ANKFN1: variants seen among roughly 807,000 people sequenced by gnomAD.
ANKFN1 encodes ankyrin repeat and fibronectin type III domain containing 1.
ANKFN1 carries 74 observed loss-of-function variants against 108.7 expected under a neutral mutation model. That is an observed-to-expected ratio of 0.68 (90% confidence interval 0.56 to 0.83). The LOEUF is 0.83. ANKFN1 is among the 40% of genes least tolerant of loss of function. ANKFN1 has a pLI of 0.00. For missense variants in ANKFN1, 1,505 were observed against 1,382.3 expected (o/e 1.09, Z -1.41); for synonymous variants, 547 against 516.2 (o/e 1.06, Z -0.81).
Position 56,466,440 on chromosome 17 carries a change from A to G in ANKFN1, c.1642A>G (p.Arg548Gly). The G allele has an allele frequency of 6.2e-7, 1 of 1,614,206 alleles. No homozygotes were observed. The highest frequency in any genetic ancestry group is 1.1e-5 in the South Asian group (1 of 91,084). ...RHGNILIVTI[R>G]EVEMLYSFFN... ...TGGAAACATACTCATAGTCACCATCAGGGAGGTGGAGATGCTTTATTCATT... is the reference window on the plus strand; with the variant it reads ...TGGAAACATACTCATAGTCACCATCGGGGAGGTGGAGATGCTTTATTCATT... The change falls in exon 15 of 21, where the codon AGG becomes GGG. Residue 548 changes from arginine to glycine, a missense_variant. Coordinates refer to ENST00000682825, the MANE Select transcript of ANKFN1 (RefSeq NM_001370326.1).
chr17:56,367,472 A>G (rs2144745940), intron 6 of ANKFN1, among the ~76,000 whole-genome samples: 1 of 151,922 alleles, frequency 6.6e-6, no homozygotes, highest in African/African-American at 2.4e-5. Context: ...TTGGTTAATT[A>G]GCTGCATAGG....
chr17:56,289,847 G>A (rs549929325), intron 3 of ANKFN1, among the ~76,000 whole-genome samples: 2 of 152,292 alleles, frequency 1.3e-5, no homozygotes, highest in East Asian at 3.9e-4. Flanking sequence ...TTCTGCCATA[G>A]TGCTGCCTTA....
chr17:56,485,123 A>T (rs774927150), intron 18 of ANKFN1, among the ~76,000 whole-genome samples: 1 of 152,222 alleles, frequency 6.6e-6, no homozygotes, highest in African/African-American at 2.4e-5. Flanking sequence ...GTAACCTACT[A>T]TGTGCCAGGC....
At chr17:56,495,393 T>C (rs946098136) in intron 19 of ANKFN1, among the ~76,000 whole-genome samples, 2 of 151,840 alleles carry the variant, frequency 1.3e-5, no homozygotes, top group East Asian at 1.9e-4. Flanking sequence ...CACTCACCCA[T>C]TGGTGTTCAC....
In ANKFN1 at chr17:56,510,827, G is replaced by T; in HGVS notation, c.2999G>T (p.Arg1000Leu). Reference protein sequence around the residue: ...GRPPLGFLGKRKPGKHPHYGG... With the variant: ...GRPPLGFLGKLKPGKHPHYGG... ...CCCCCGCTAGGCTTCCTGGGAAAGC[G>T]GAAGCCAGGCAAGCACCCCCACTAT... is the stretch of plus-strand genomic sequence containing the variant. The change falls in exon 21 of 21, where the codon CGG becomes CTG. Residue 1000 changes from arginine to leucine, a missense_variant. Transcript: ENST00000682825. 1 of 1,536,178 alleles carries T rather than the reference G, an allele frequency of 6.5e-7. No homozygotes were observed. Among genetic ancestry groups the T allele is most frequent in the South Asian group, 1.2e-5 (1 of 84,064 alleles).
intron 5 of ANKFN1, among the ~76,000 whole-genome samples, chr17:56,353,240 C>CT (rs61278649): frequency 0.018 from 2,542 of 143,194 alleles, 47 homozygotes; most frequent in African/African-American, 0.047. Context: ...CTCTTAATTA[C>CT]TTTTTTTTTT....
At chr17:56,506,177 A>T (rs547161856) in intron 20 of ANKFN1, among the ~76,000 whole-genome samples, 1 of 151,072 alleles carries the variant, frequency 6.6e-6, no homozygotes, top group African/African-American at 2.5e-5. Flanking sequence ...CTCGTCATTT[A>T]TATTAGTTAT....
At chr17:56,241,454 G>T (rs1274619101) in intron 3 of ANKFN1, among the ~76,000 whole-genome samples, 8 of 152,072 alleles carry the variant, frequency 5.3e-5, no homozygotes, top group African/African-American at 1.9e-4. Context: ...TCATGAACTT[G>T]CTTTCCATAT....
At chr17:56,438,652 C>G (rs770287577) in intron 8 of ANKFN1, among the ~76,000 whole-genome samples, 25 of 152,054 alleles carry the variant, frequency 1.6e-4, no homozygotes, top group Non-Finnish European at 2.8e-4. Flanking sequence ...CTTGAACCCC[C>G]GGGCTTAAGC....
intron 4 of ANKFN1, among the ~76,000 whole-genome samples, chr17:56,329,382 T>C (rs1371517848): frequency 6.6e-6 from 1 of 152,164 alleles, no homozygotes; most frequent in East Asian, 1.9e-4. Flanking sequence ...CCTTTTCCCC[T>C]TCCTGCTAGT....
Position 56,510,657 on chromosome 17 carries a change from C to T in ANKFN1, c.2829C>T (p.His943=), listed in dbSNP as rs982691975. 7.8e-6 allele frequency: 12 copies of T among 1,536,152 alleles called. No homozygotes were observed. Among genetic ancestry groups the T allele is most frequent in the South Asian group, 2.4e-5 (2 of 84,066 alleles). Residue 943 remains histidine (H), a synonymous_variant, in exon 21 of 21, where the codon CAC becomes CAT. Transcript: ENST00000682825. ...GCGCCCCCGACGTCCTGCAAGTGCACGACGTGAAAACCCCTCTGGGGCCGG... is the reference window on the plus strand; with the variant it reads ...GCGCCCCCGACGTCCTGCAAGTGCATGACGTGAAAACCCCTCTGGGGCCGG... The part of the protein sequence containing the change: ...SGSAPDVLQV[H]DVKTPLGPGQ...
chr17:56,404,169 C>T (rs2047847512), intron 8 of ANKFN1, among the ~76,000 whole-genome samples: 1 of 152,004 alleles, frequency 6.6e-6, no homozygotes, highest in African/African-American at 2.4e-5. Context: ...GATGAATTTC[C>T]CAGGTGTTCT....
intron 3 of ANKFN1, among the ~76,000 whole-genome samples, chr17:56,265,068 T>C (rs2043614168): frequency 6.6e-6 from 1 of 152,128 alleles, no homozygotes. Context: ...CAGTTTAATG[T>C]TATTTAAAAA....
intron 4 of ANKFN1, among the ~76,000 whole-genome samples, chr17:56,122,268 G>C (rs574997109): frequency 3.9e-5 from 6 of 152,222 alleles, no homozygotes; most frequent in Admixed American, 1.3e-4. Context: ...GACCTTTATG[G>C]CTCCTTCAAA....
intron 3 of ANKFN1, among the ~76,000 whole-genome samples, chr17:56,260,641 C>T (rs1010278002): frequency 1.3e-5 from 2 of 152,094 alleles, no homozygotes; most frequent in African/African-American, 2.4e-5. Context: ...AAAAAGTACT[C>T]GGTAAAGTAT....
intron 19 of ANKFN1, among the ~76,000 whole-genome samples, chr17:56,495,916 A>G (rs755349032): frequency 1.6e-4 from 24 of 152,086 alleles, no homozygotes; most frequent in Non-Finnish European, 2.6e-4. Context: ...CGAGATGAAA[A>G]CTGAAATTTT....
chr17:56,269,362 GT>G (rs1419579102), intron 3 of ANKFN1, among the ~76,000 whole-genome samples: 1 of 152,196 alleles, frequency 6.6e-6, no homozygotes, highest in Non-Finnish European at 1.5e-5. Context: ...ATTTATATGT[GT>G]TCTGCAATTT....
At chr17:56,387,305 CCT>C (rs2047303446) in intron 8 of ANKFN1, among the ~76,000 whole-genome samples, 1 of 151,960 alleles carries the variant, frequency 6.6e-6, no homozygotes, top group Admixed American at 6.6e-5. Context: ...TAAATGTTCC[CCT>C]GAGTACTGTT....
chr17:56,426,971 G>A (rs185959782), intron 8 of ANKFN1, among the ~76,000 whole-genome samples: 1 of 152,212 alleles, frequency 6.6e-6, no homozygotes, highest in Admixed American at 6.5e-5. Context: ...TTCAGGATCA[G>A]TAAGGCACCT....
Sources: gnomAD v4.1 joint callset for allele counts (sites outside exome capture counted in the v4.1 genomes callset) on GRCh38, gnomAD v4.1.1 for gene constraint, MANE v1.5 for transcripts, NCBI Gene and HGNC (gene_info 2026-07-23, HGNC 2026-07-21) for gene names.